The following CCDC91 variants were observed in gnomAD, a reference collection of about 807,000 sequenced individuals.
The protein encoded by CCDC91 is coiled-coil domain-containing protein 91.
Under a neutral mutation model 63.2 loss-of-function variants are expected in CCDC91, and 48 were observed. The ratio of observed to expected loss-of-function variants is 0.76; its 90% confidence interval spans 0.60 to 0.97. The LOEUF (loss-of-function observed/expected upper bound fraction) is 0.97. CCDC91 is among the 50% of genes least tolerant of loss of function. The pLI, the probability that CCDC91 is intolerant of heterozygous loss-of-function variation, is 0.00. For synonymous variants in CCDC91, 167 were observed against 165.8 expected (o/e 1.01, Z -0.06); for missense variants, 500 against 494.6 (o/e 1.01, Z -0.10).
At chr12:28,311,383 C>T (rs1939306059) in intron 6 of CCDC91, among the ~76,000 whole-genome samples, 1 of 151,918 alleles carries the variant, frequency 6.6e-6, no homozygotes, top group Non-Finnish European at 1.5e-5. Flanking sequence ...GAGTCTTTTT[C>T]CTTTTGGATG....
At chr12:28,294,120 T>C (rs1477300013) in intron 3 of CCDC91, among the ~76,000 whole-genome samples, 1 of 152,178 alleles carries the variant, frequency 6.6e-6, no homozygotes, top group African/African-American at 2.4e-5. Context: ...AATCTTAGAT[T>C]CTTCATTTAT....
chr12:28,340,547 G>T (rs1942336711), intron 6 of CCDC91, among the ~76,000 whole-genome samples: 1 of 152,216 alleles, frequency 6.6e-6, no homozygotes, highest in Non-Finnish European at 1.5e-5. Flanking sequence ...TTCAAAGCCA[G>T]AAATGGCTGT....
chr12:28,385,195 A>C (rs1945527151), intron 7 of CCDC91, among the ~76,000 whole-genome samples: 1 of 152,136 alleles, frequency 6.6e-6, no homozygotes, highest in Admixed American at 6.6e-5. Context: ...TTTTCCAAGA[A>C]AGGTGAAATT....
intron 8 of CCDC91, among the ~76,000 whole-genome samples, chr12:28,448,761 C>T (rs1389559763): frequency 2.6e-5 from 4 of 152,000 alleles, no homozygotes; most frequent in Non-Finnish European, 5.9e-5. Context: ...ATGTTTACCT[C>T]TTCCCAAGCC....
chr12:28,205,015 A>G (rs1444804029), intron 1 of CCDC91, among the ~76,000 whole-genome samples: 1 of 152,162 alleles, frequency 6.6e-6, no homozygotes, highest in African/African-American at 2.4e-5. Flanking sequence ...GGACCCTGAC[A>G]TTATGGCATA....
At chr12:28,324,747 G>A (rs12809941) in intron 6 of CCDC91, among the ~76,000 whole-genome samples, 2 of 151,884 alleles carry the variant, frequency 1.3e-5, no homozygotes, top group South Asian at 2.1e-4. Context: ...GTTCTGAAGT[G>A]TTTAAGAACA....
intron 8 of CCDC91, among the ~76,000 whole-genome samples, chr12:28,433,673 G>A (rs1948748667): frequency 6.6e-6 from 1 of 151,924 alleles, no homozygotes; most frequent in East Asian, 1.9e-4. Flanking sequence ...TTTCAGTATT[G>A]TATTGGCTAT....
At chr12:28,535,052 T>C (rs1249703776) in intron 12 of CCDC91, among the ~76,000 whole-genome samples, 1 of 152,206 alleles carries the variant, frequency 6.6e-6, no homozygotes, top group Non-Finnish European at 1.5e-5. Flanking sequence ...GCTTTTGACT[T>C]CCAGATTTTT....
At chr12:28,193,989 G>A (rs750179912) in intron 1 of CCDC91, among the ~76,000 whole-genome samples, 9 of 152,198 alleles carry the variant, frequency 5.9e-5, no homozygotes, top group Non-Finnish European at 8.8e-5. Flanking sequence ...GTCTGAGTCT[G>A]TAGTTTGTCC....
chr12:28,275,037 C>A (rs1264021448), intron 3 of CCDC91, among the ~76,000 whole-genome samples: 1 of 151,944 alleles, frequency 6.6e-6, no homozygotes, highest in Non-Finnish European at 1.5e-5. Context: ...AAAATTGACA[C>A]CCTAACATCA....
intron 11 of CCDC91, among the ~76,000 whole-genome samples, chr12:28,459,703 T>C (rs1950215571): frequency 6.6e-6 from 1 of 152,200 alleles, no homozygotes; most frequent in Non-Finnish European, 1.5e-5. Flanking sequence ...ACGACTAGTA[T>C]ATATTTGCTC....
chr12:28,548,098 C>A (rs1302481916), intron 12 of CCDC91, among the ~76,000 whole-genome samples: 2 of 151,982 alleles, frequency 1.3e-5, no homozygotes, highest in Non-Finnish European at 2.9e-5. Flanking sequence ...ATAATGTTTA[C>A]CATCCAGAGA....
intron 1 of CCDC91, among the ~76,000 whole-genome samples, chr12:28,213,645 T>C (rs1000348476): frequency 1.1e-4 from 16 of 152,336 alleles, no homozygotes; most frequent in Non-Finnish European, 2.4e-4. Context: ...CCTGCATGCA[T>C]TGCTTCTGCC....
intron 12 of CCDC91, among the ~76,000 whole-genome samples, chr12:28,519,628 G>A (rs1940367601): frequency 6.7e-6 from 1 of 149,950 alleles, no homozygotes; most frequent in Non-Finnish European, 1.5e-5. Context: ...GTGCAGGTTT[G>A]TTACATATGT....
intron 3 of CCDC91, among the ~76,000 whole-genome samples, chr12:28,295,296 G>A (rs1234295290): frequency 8.6e-5 from 13 of 151,802 alleles, no homozygotes; most frequent in Non-Finnish European, 1.6e-4. Context: ...CTACTTTATC[G>A]CTGTGAGTCA....
In CCDC91 at chr12:28,306,679, T is replaced by C. The variant is rs555322394; in HGVS notation, c.268-63T>C. On this transcript the variant is annotated intron_variant, in intron 4 of 12. Transcript: ENST00000536442. ...TGTGGTTTCTAGTGCCCTTTGGATGTTTTCATTATTGGTATAGTGTAAACT... is the reference window on the plus strand; with the variant it reads ...TGTGGTTTCTAGTGCCCTTTGGATGCTTTCATTATTGGTATAGTGTAAACT... 4 of 1,166,770 alleles carry C rather than the reference T, an allele frequency of 3.4e-6. No homozygotes were observed. In the Admixed American group the frequency reaches 7.2e-5, roughly 21 times the overall value. 72.3% of individuals were successfully genotyped at this position (1,166,770 alleles called of 1,614,324 possible).
chr12:28,199,269 CA>C (rs1372931241), intron 1 of CCDC91, among the ~76,000 whole-genome samples: 1 of 151,362 alleles, frequency 6.6e-6, no homozygotes, highest in Non-Finnish European at 1.5e-5. Flanking sequence ...CTGGGACTTA[CA>C]AATAGTACCT....
chr12:28,199,824 A>G (rs1475257292), intron 1 of CCDC91, among the ~76,000 whole-genome samples: 1 of 152,198 alleles, frequency 6.6e-6, no homozygotes, highest in Non-Finnish European at 1.5e-5. Context: ...CTTTTTGACG[A>G]TTCCCTATTT....
chr12:28,518,082 G>A (rs1940156009), intron 12 of CCDC91, among the ~76,000 whole-genome samples: 1 of 151,950 alleles, frequency 6.6e-6, no homozygotes, highest in Non-Finnish European at 1.5e-5. Context: ...TGTGAATTGT[G>A]CTGCTATAAA....
Sources: allele counts gnomAD v4.1 joint callset (sites outside exome capture counted in the v4.1 genomes callset), GRCh38; gene constraint gnomAD v4.1.1; transcripts MANE v1.5; gene names NCBI Gene and HGNC (gene_info 2026-07-23, HGNC 2026-07-21).